Variants in PAN3 observed in about 807,000 individuals in gnomAD.
PAN3 encodes poly(A) specific ribonuclease subunit PAN3.
Under a neutral mutation model 96.2 loss-of-function variants are expected in PAN3, and 19 were observed. The observed-to-expected ratio is 0.20, with a 90% CI of 0.14 to 0.29. The LOEUF is 0.29. Among genes scored for constraint, PAN3 ranks in the 10% least tolerant of loss-of-function variants. The pLI is 1.00. For synonymous variants in PAN3, 433 were observed against 406.6 expected (o/e 1.06, Z -0.78); for missense variants, 882 against 1,108.1 (o/e 0.80, Z 2.90).
At chr13:28,162,400 A>G (rs1872984820) in intron 1 of PAN3, among the ~76,000 whole-genome samples, 1 of 152,092 alleles carries the variant, frequency 6.6e-6, no homozygotes, top group Non-Finnish European at 1.5e-5. Context: ...AGTGGAGGCA[A>G]TCAGCCGGGT....
intron 6 of PAN3, chr13:28,239,603 C>T: frequency 7.8e-7 from 1 of 1,289,334 alleles, no homozygotes; most frequent in South Asian, 1.2e-5. Flanking sequence ...TCTGAGTCAG[C>T]ACTGGACTTG....
chr13:28,190,925 C>G (rs187717506), intron 4 of PAN3, among the ~76,000 whole-genome samples: 94 of 152,298 alleles, frequency 6.2e-4, no homozygotes, highest in African/African-American at 2.2e-3. Context: ...GTGTGGAGCA[C>G]AAAAGCTGGT....
intron 9 of PAN3, among the ~76,000 whole-genome samples, chr13:28,263,846 A>T (rs1302241209): frequency 6.6e-6 from 1 of 151,976 alleles, no homozygotes; most frequent in Non-Finnish European, 1.5e-5. Flanking sequence ...ATGATAAAAT[A>T]TTTAAAATTT....
chr13:28,266,854 A>G lies in PAN3; in HGVS notation c.1551A>G (p.Pro517=). 2.5e-6 allele frequency: 4 copies of G among 1,605,082 alleles called. No homozygotes were observed. The highest frequency in any genetic ancestry group is 1.1e-5 in the South Asian group (1 of 89,242). ...YKAVNSKDDL[P]YCLRRIHGFR... is the part of the protein sequence containing the mutation. ...CTGTAAACAGCAAAGATGATCTGCC[A>G]TATTGCCTTCGGAGGATACATGGTA... is the stretch of plus-strand genomic sequence containing the variant. The change falls in exon 10 of 19, where the codon CCA becomes CCG. Residue 517 remains proline, a synonymous_variant. Transcript: ENST00000380958.
intron 1 of PAN3, among the ~76,000 whole-genome samples, chr13:28,155,254 T>C (rs1035550856): frequency 6.6e-6 from 1 of 152,150 alleles, no homozygotes; most frequent in African/African-American, 2.4e-5. Flanking sequence ...TTATTAAACA[T>C]ATATTTAACA....
At chr13:28,225,327 T>G (rs1383537758) in intron 6 of PAN3, among the ~76,000 whole-genome samples, 1 of 152,232 alleles carries the variant, frequency 6.6e-6, no homozygotes, top group Non-Finnish European at 1.5e-5. Flanking sequence ...CTTATAATGT[T>G]GAAGGGTTGG....
chr13:28,212,202 G>A (rs182838274), intron 5 of PAN3, among the ~76,000 whole-genome samples: 4 of 152,284 alleles, frequency 2.6e-5, no homozygotes, highest in Admixed American at 6.5e-5. Context: ...ACTGGCCAAC[G>A]TGGAAAACTT....
intron 14 of PAN3, among the ~76,000 whole-genome samples, chr13:28,276,529 G>A (rs1887073007): frequency 6.6e-6 from 1 of 152,204 alleles, no homozygotes; most frequent in South Asian, 2.1e-4. Context: ...TAGAAGGAAA[G>A]CCTCAGAATG....
chr13:28,236,269 C>T (rs1883101782), intron 6 of PAN3, among the ~76,000 whole-genome samples: 1 of 152,136 alleles, frequency 6.6e-6, no homozygotes, highest in African/African-American at 2.4e-5. Context: ...ATGCTGGTTC[C>T]AGTGAGCTTT....
Position 28,277,220 on chromosome 13 carries a change from T to G in PAN3, c.2050-17T>G, listed in dbSNP as rs1208348550. The G allele has an allele frequency of 6.3e-7, 1 of 1,596,830 alleles. No individual in the cohort carries two copies. The highest frequency in any genetic ancestry group is 8.5e-7 in the Non-Finnish European group (1 of 1,172,618). Reference sequence around the variant, plus strand: ...GTGAAATGAAAATTAAAAGTTATATTTATTCTTTCATGTCAGCAAGCAGAT... The same window carrying G: ...GTGAAATGAAAATTAAAAGTTATATGTATTCTTTCATGTCAGCAAGCAGAT... On this transcript the variant is annotated splice_polypyrimidine_tract_variant and intron_variant, in intron 14 of 18. Coordinates refer to ENST00000380958, the MANE Select transcript of PAN3 (RefSeq NM_175854.8).
chr13:28,146,028 T>G (rs1014710977), intron 1 of PAN3, among the ~76,000 whole-genome samples: 3 of 152,134 alleles, frequency 2.0e-5, no homozygotes, highest in Admixed American at 2.0e-4. Flanking sequence ...CCCAAAGTGC[T>G]GGGATTGCAG....
chr13:28,216,677 A>G (rs1880807299), intron 5 of PAN3, among the ~76,000 whole-genome samples: 1 of 152,170 alleles, frequency 6.6e-6, no homozygotes, highest in African/African-American at 2.4e-5. Flanking sequence ...GTATTCAGGA[A>G]TATTAGTTTC....
At chr13:28,291,790 C>T (rs9554308) in intron 18 of PAN3, among the ~76,000 whole-genome samples, 19,358 of 152,026 alleles carry the variant, frequency 0.13, 1,414 homozygotes, top group East Asian at 0.33. Flanking sequence ...AAGATTGCGC[C>T]ATTGCACTCC....
intron 6 of PAN3, among the ~76,000 whole-genome samples, chr13:28,222,382 A>G (rs1881504736): frequency 6.6e-6 from 1 of 152,144 alleles, no homozygotes. Flanking sequence ...AGCTCCTCTT[A>G]ACAATGAAAG....
intron 5 of PAN3, chr13:28,215,710 T>A: frequency 6.7e-7 from 1 of 1,493,508 alleles, no homozygotes; most frequent in South Asian, 1.2e-5. Flanking sequence ...GATGCCGCCA[T>A]TGTTGATATA....
In PAN3 at chr13:28,176,478, T is replaced by C. The variant is rs750086914; in HGVS notation, c.553-15T>C. 11 of 1,606,106 alleles carry C rather than the reference T, an allele frequency of 6.8e-6. 1 individual carries two copies. In the South Asian group the frequency reaches 1.2e-4, roughly 18 times the overall value. On this transcript the variant is annotated splice_polypyrimidine_tract_variant and intron_variant, in intron 2 of 18. Coordinates refer to ENST00000380958, the MANE Select transcript of PAN3 (RefSeq NM_175854.8). Reference sequence around the variant, plus strand: ...ATTCCTCAGTGATGTTATAAATAAATATTTTGTTTTTCAGAGAATGACTAA... The same window carrying C: ...ATTCCTCAGTGATGTTATAAATAAACATTTTGTTTTTCAGAGAATGACTAA...
intron 4 of PAN3, among the ~76,000 whole-genome samples, chr13:28,181,245 A>T (rs1421050295): frequency 6.6e-6 from 1 of 152,134 alleles, no homozygotes; most frequent in Non-Finnish European, 1.5e-5. Context: ...ACAATGGCTC[A>T]TGCCTGTAAT....
At chr13:28,261,196 A>G (rs1030951039) in intron 8 of PAN3, among the ~76,000 whole-genome samples, 1 of 152,232 alleles carries the variant, frequency 6.6e-6, no homozygotes, top group African/African-American at 2.4e-5. Context: ...CTTAAACCCA[A>G]TCTTAATTAT....
chr13:28,237,679 T>C (rs1467197690), intron 6 of PAN3, among the ~76,000 whole-genome samples: 1 of 152,164 alleles, frequency 6.6e-6, no homozygotes, highest in Non-Finnish European at 1.5e-5. Context: ...TTGAAATTGG[T>C]GGGTGAAGAA....
Sources: gnomAD v4.1 joint callset for allele counts (sites outside exome capture counted in the v4.1 genomes callset) on GRCh38, gnomAD v4.1.1 for gene constraint, MANE v1.5 for transcripts, NCBI Gene and HGNC (gene_info 2026-07-23, HGNC 2026-07-21) for gene names.